The following RNF180 variants were observed in gnomAD, a reference collection of about 807,000 sequenced individuals.
RNF180 encodes ring finger protein 180.
RNF180 carries 38 observed loss-of-function variants against 59.2 expected under a neutral mutation model. That is an observed-to-expected ratio of 0.64 (90% CI 0.50 to 0.84). The LOEUF is 0.84. RNF180 is among the 40% of genes least tolerant of loss of function. The pLI is 0.00. For synonymous variants in RNF180, 262 were observed against 240.3 expected, an observed-to-expected ratio of 1.09 and a Z score of -0.84; for missense variants, 705 against 700.9, an observed-to-expected ratio of 1.01 and a Z score of -0.07.
At chr5:64,279,885 G>A (rs1306900717) in intron 5 of RNF180, among the ~76,000 whole-genome samples, 1 of 152,120 alleles carries the variant, frequency 6.6e-6, no homozygotes, top group African/African-American at 2.4e-5. Flanking sequence ...TTGAGGTCAG[G>A]AGTTCAAGAC....
intron 7 of RNF180, among the ~76,000 whole-genome samples, chr5:64,337,259 T>G (rs1366705971): frequency 6.6e-6 from 1 of 152,138 alleles, no homozygotes; most frequent in Non-Finnish European, 1.5e-5. Context: ...TCCTCCTTCC[T>G]CGGCCTCCCA....
chr5:64,306,402 A>G (rs1461411963), intron 5 of RNF180, among the ~76,000 whole-genome samples: 1 of 151,746 alleles, frequency 6.6e-6, no homozygotes, highest in Non-Finnish European at 1.5e-5. Context: ...TTTGAATGAA[A>G]GGATAAAATA....
intron 5 of RNF180, among the ~76,000 whole-genome samples, chr5:64,291,721 C>T (rs1176444958): frequency 6.6e-6 from 1 of 152,052 alleles, no homozygotes; most frequent in Admixed American, 6.6e-5. Context: ...GCCACCGTGC[C>T]CGGCCCTGAA....
intron 5 of RNF180, among the ~76,000 whole-genome samples, chr5:64,267,228 C>A (rs1244878648): frequency 2.6e-5 from 4 of 151,960 alleles, no homozygotes; most frequent in Non-Finnish European, 5.9e-5. Context: ...CTTTGGCAGG[C>A]TGTTAAAGCC....
chr5:64,280,552 T>C (rs1741956884), intron 5 of RNF180, among the ~76,000 whole-genome samples: 1 of 152,168 alleles, frequency 6.6e-6, no homozygotes, highest in Non-Finnish European at 1.5e-5. Context: ...TATGATTTAT[T>C]GAATAGGGAG....
At chr5:64,349,692 G>T (rs977439434) in intron 7 of RNF180, among the ~76,000 whole-genome samples, 1 of 151,932 alleles carries the variant, frequency 6.6e-6, no homozygotes, top group African/African-American at 2.4e-5. Context: ...GCGGTGTTTG[G>T]TTTTTTGTCC....
At chr5:64,261,422 C>A (rs1358124898) in intron 5 of RNF180, among the ~76,000 whole-genome samples, 1 of 152,086 alleles carries the variant, frequency 6.6e-6, no homozygotes, top group African/African-American at 2.4e-5. Context: ...GATAAAGCAC[C>A]TGCGAAATTG....
At chr5:64,167,494 TCAA>T (rs1749709609) in intron 1 of RNF180, among the ~76,000 whole-genome samples, 2 of 152,156 alleles carry the variant, frequency 1.3e-5, no homozygotes, top group Admixed American at 6.5e-5. Flanking sequence ...ATTGAAAAAA[TCAA>T]CAAGATTTCT....
chr5:64,279,390 T>G (rs564754260), intron 5 of RNF180, among the ~76,000 whole-genome samples: 1 of 152,120 alleles, frequency 6.6e-6, no homozygotes, highest in Non-Finnish European at 1.5e-5. Flanking sequence ...AGGAAAGAAG[T>G]GACTATGGCT....
At chr5:64,258,725 G>A (rs1240053933) in intron 5 of RNF180, among the ~76,000 whole-genome samples, 1 of 152,094 alleles carries the variant, frequency 6.6e-6, no homozygotes, top group African/African-American at 2.4e-5. Flanking sequence ...ATAACTCTGG[G>A]CTGAGATATA....
At chr5:64,259,113 T>G (rs955870409) in intron 5 of RNF180, among the ~76,000 whole-genome samples, 1 of 151,864 alleles carries the variant, frequency 6.6e-6, no homozygotes, top group Non-Finnish European at 1.5e-5. Context: ...GGGGCGGGAG[T>G]GGGTGGAATA....
At chr5:64,276,392 T>TG (rs60232668) in intron 5 of RNF180, among the ~76,000 whole-genome samples, 11 of 150,728 alleles carry the variant, frequency 7.3e-5, no homozygotes, top group African/African-American at 1.2e-4. Context: ...TGTGTGTGTG[T>TG]TTATTTATTT....
In RNF180 at chr5:64,286,430, C is replaced by G. The variant is rs187235603; in HGVS notation, c.1228-38756C>G. Among the ~76,000 whole-genome samples, 11 of 152,266 alleles carry G rather than the reference C, an allele frequency of 7.2e-5. No homozygotes were observed. In the East Asian group the frequency reaches 2.1e-3, roughly 29 times the overall value. ...CTAGCAGGCTATAAAAGCCCAAACC[C>G]TTAACTCCAATACCCTAACAATACA... On this transcript the variant is annotated intron_variant, in intron 5 of 7. Coordinates refer to ENST00000389100, the MANE Select transcript of RNF180 (RefSeq NM_001113561.2).
At chr5:64,309,671 G>A (rs1290994754) in intron 5 of RNF180, among the ~76,000 whole-genome samples, 5 of 151,264 alleles carry the variant, frequency 3.3e-5, no homozygotes, top group Non-Finnish European at 7.4e-5. Context: ...ATATTGAAGT[G>A]ATTTGTTTAA....
chr5:64,303,222 C>T (rs771097216), intron 5 of RNF180, among the ~76,000 whole-genome samples: 1 of 151,508 alleles, frequency 6.6e-6, no homozygotes, highest in Non-Finnish European at 1.5e-5. Flanking sequence ...CAGCCATTCC[C>T]CCATCTCTCC....
chr5:64,366,276 G>A (rs1288125609), intron 7 of RNF180, among the ~76,000 whole-genome samples: 1 of 151,582 alleles, frequency 6.6e-6, no homozygotes, highest in Non-Finnish European at 1.5e-5. Context: ...TTTTAAGAAT[G>A]TTGAATATAG....
At chr5:64,276,972 C>A (rs1218315085) in intron 5 of RNF180, among the ~76,000 whole-genome samples, 3 of 151,926 alleles carry the variant, frequency 2.0e-5, no homozygotes, top group Admixed American at 2.0e-4. Flanking sequence ...ATGTTTTTCT[C>A]CCTTTTTAAA....
chr5:64,251,809 A>C (rs1221917330), intron 5 of RNF180, among the ~76,000 whole-genome samples: 1 of 151,986 alleles, frequency 6.6e-6, no homozygotes, highest in Non-Finnish European at 1.5e-5. Context: ...ACAGTGAACT[A>C]TCTGAAAAAC....
At chr5:64,366,709 A>G (rs1032782562) in intron 7 of RNF180, among the ~76,000 whole-genome samples, 2 of 151,678 alleles carry the variant, frequency 1.3e-5, no homozygotes, top group African/African-American at 4.8e-5. Flanking sequence ...TTTTAAAAGG[A>G]TGAACAAAGC....
Sources: allele counts gnomAD v4.1 joint callset (sites outside exome capture counted in the v4.1 genomes callset), GRCh38; gene constraint gnomAD v4.1.1; transcripts MANE v1.5; gene names NCBI Gene and HGNC (gene_info 2026-07-23, HGNC 2026-07-21).